The following NRG3 variants were observed in gnomAD, a reference collection of about 807,000 sequenced individuals.
NRG3 encodes pro-neuregulin-3, membrane-bound isoform.
A neutral mutation model predicts 66.9 loss-of-function variants in NRG3; 31 were observed. The ratio of observed to expected loss-of-function variants is 0.46; its 90% CI spans 0.35 to 0.63. The LOEUF (loss-of-function observed/expected upper bound fraction) is 0.63, where lower values mean the gene tolerates loss of function less well. NRG3 is among the 20% of genes least tolerant of loss of function. The pLI is 0.00. For missense variants in NRG3, 910 were observed against 878.9 expected (o/e 1.04, Z -0.45); for synonymous variants, 393 against 359.4 (o/e 1.09, Z -1.06).
chr10:82,029,540 G>C (rs550072883), intron 1 of NRG3, among the ~76,000 whole-genome samples: 48 of 152,210 alleles, frequency 3.2e-4, no homozygotes, highest in African/African-American at 1.1e-3. Context: ...TGTATTATCT[G>C]CTGGCGTCTC....
intron 1 of NRG3, among the ~76,000 whole-genome samples, chr10:81,919,472 A>C (rs1846043124): frequency 6.6e-6 from 1 of 152,104 alleles, no homozygotes; most frequent in African/African-American, 2.4e-5. Flanking sequence ...TTATGAACTC[A>C]TAAATAACAT....
chr10:82,795,620 T>C (rs918407482), intron 3 of NRG3, among the ~76,000 whole-genome samples: 2 of 152,190 alleles, frequency 1.3e-5, no homozygotes, highest in Non-Finnish European at 2.9e-5. Flanking sequence ...AGTGTTCTTC[T>C]GGGCAGGGGC....
At chr10:82,572,812 C>T (rs951640606) in intron 2 of NRG3, among the ~76,000 whole-genome samples, 3 of 151,716 alleles carry the variant, frequency 2.0e-5, no homozygotes, top group Non-Finnish European at 2.9e-5. Context: ...GTGTGAGGAG[C>T]TATGAATAAA....
chr10:82,693,428 T>C (rs1022579428), intron 2 of NRG3, among the ~76,000 whole-genome samples: 1 of 152,202 alleles, frequency 6.6e-6, no homozygotes, highest in Non-Finnish European at 1.5e-5. Context: ...AAATATGTCA[T>C]AATTATTTCT....
chr10:82,820,734 T>C (rs2061915378), intron 3 of NRG3, among the ~76,000 whole-genome samples: 1 of 152,230 alleles, frequency 6.6e-6, no homozygotes, highest in Admixed American at 6.5e-5. Flanking sequence ...ACTAGCTATT[T>C]CTAAGTGTTG....
chr10:82,377,692 A>G (rs2085343162), intron 2 of NRG3, among the ~76,000 whole-genome samples: 1 of 152,174 alleles, frequency 6.6e-6, no homozygotes, highest in South Asian at 2.1e-4. Context: ...ATGGTGACCC[A>G]GGCTTAAATC....
At position 82,512,287 on chromosome 10, in the gene NRG3, A is replaced by AT. The variant is rs201697563; in HGVS notation, c.953+153428dup. Reference sequence around the variant, plus strand: ...TATAATTTATTTTTATTTATCTTTTATTTTTTTTTATTTTTTGAGATGGAG... The same window carrying AT: ...TATAATTTATTTTTATTTATCTTTTATTTTTTTTTTATTTTTTGAGATGGAG... On this transcript the variant is annotated intron_variant, in intron 2 of 8. Transcript: ENST00000372141. Among the ~76,000 whole-genome samples the AT allele has an allele frequency of 5.5e-3, 835 of 150,808 alleles. 3 individuals are homozygous for AT. The highest frequency in any genetic ancestry group is 0.018 in the African/African-American group (731 of 41,194).
chr10:82,439,274 A>G (rs2090311468), intron 2 of NRG3, among the ~76,000 whole-genome samples: 1 of 152,178 alleles, frequency 6.6e-6, no homozygotes, highest in Non-Finnish European at 1.5e-5. Context: ...AGTTGTGAAA[A>G]TAATTCATTT....
intron 2 of NRG3, among the ~76,000 whole-genome samples, chr10:82,602,996 A>T (rs1222188224): frequency 1.3e-5 from 2 of 152,230 alleles, no homozygotes; most frequent in African/African-American, 4.8e-5. Flanking sequence ...ATGAATAAGA[A>T]GTAGAAGGGC....
At chr10:82,605,190 T>C (rs1350912466) in intron 2 of NRG3, among the ~76,000 whole-genome samples, 3 of 152,092 alleles carry the variant, frequency 2.0e-5, no homozygotes, top group Non-Finnish European at 4.4e-5. Flanking sequence ...TTTGTAGATA[T>C]TCTTTACCAG....
At chr10:82,333,880 G>A (rs372546557) in intron 1 of NRG3, among the ~76,000 whole-genome samples, 1 of 152,130 alleles carries the variant, frequency 6.6e-6, no homozygotes, top group African/African-American at 2.4e-5. Context: ...AAGACAGTGG[G>A]AGAAGGAAAG....
intron 1 of NRG3, among the ~76,000 whole-genome samples, chr10:82,198,887 C>T (rs2074600018): frequency 6.6e-6 from 1 of 151,842 alleles, no homozygotes; most frequent in African/African-American, 2.4e-5. Context: ...ATCCCAGCTA[C>T]TCAAGAGGTT....
intron 2 of NRG3, among the ~76,000 whole-genome samples, chr10:82,597,642 G>T (rs1407158989): frequency 6.6e-6 from 1 of 152,114 alleles, no homozygotes; most frequent in Non-Finnish European, 1.5e-5. Flanking sequence ...CTACTTGCTG[G>T]CCGGGAGCAG....
Position 82,491,297 on chromosome 10 carries a change from T to TATATATATATATATATAC in NRG3, c.953+132446_953+132447insCATATATATATATATATA, listed in dbSNP as rs1554942729. Among the ~76,000 whole-genome samples, 11 of 128,732 alleles carry TATATATATATATATATAC rather than the reference T, an allele frequency of 8.5e-5. No individual in the cohort carries two copies. In the East Asian group the frequency reaches 1.2e-3, roughly 14 times the overall value. 84.5% of individuals were successfully genotyped at this position (128,732 alleles called of 152,430 possible). A position where few individuals can be genotyped will look rare whatever the true frequency, so the allele number is the denominator to read the frequency against. On this transcript the variant is annotated intron_variant, in intron 2 of 8. Transcript: ENST00000372141. ...CTGCCTATGCTGTTCCCATAAAATATATATATATATATATATATAAAATAA... is the reference window on the plus strand; with the variant it reads ...CTGCCTATGCTGTTCCCATAAAATATATATATATATATATATACATATATATATATATATATAAAATAA...
chr10:82,578,580 G>T (rs1365694155), intron 2 of NRG3, among the ~76,000 whole-genome samples: 1 of 151,552 alleles, frequency 6.6e-6, no homozygotes, highest in Admixed American at 6.6e-5. Flanking sequence ...ATGAGCAAAT[G>T]GAGGTTCTGA....
intron 1 of NRG3, among the ~76,000 whole-genome samples, chr10:82,329,535 C>T (rs1171579809): frequency 6.6e-6 from 1 of 150,680 alleles, no homozygotes; most frequent in East Asian, 2.0e-4. Flanking sequence ...AAGAAGACAT[C>T]CAAAACAGGG....
intron 1 of NRG3, among the ~76,000 whole-genome samples, chr10:82,158,341 T>C (rs78125448): frequency 0.025 from 3,831 of 151,844 alleles, 160 homozygotes; most frequent in African/African-American, 0.086. Flanking sequence ...TCTAAATGTT[T>C]GAATATTTTG....
At chr10:81,895,243 A>G (rs1199263187) in intron 1 of NRG3, among the ~76,000 whole-genome samples, 2 of 152,198 alleles carry the variant, frequency 1.3e-5, no homozygotes, top group East Asian at 1.9e-4. Flanking sequence ...TGACAAATCT[A>G]TCCTTCAAGC....
intron 8 of NRG3, among the ~76,000 whole-genome samples, chr10:82,981,567 T>A (rs1228980901): frequency 6.6e-6 from 1 of 152,194 alleles, no homozygotes; most frequent in Non-Finnish European, 1.5e-5. Flanking sequence ...CCATCAGCCA[T>A]CTGCTCCTTG....
Sources: allele counts gnomAD v4.1 joint callset (sites outside exome capture counted in the v4.1 genomes callset), GRCh38; gene constraint gnomAD v4.1.1; transcripts MANE v1.5; gene names NCBI Gene and HGNC (gene_info 2026-07-23, HGNC 2026-07-21).